C10orf67: variants seen among roughly 807,000 people sequenced by gnomAD.
C10orf67 encodes uncharacterized protein C10orf67, mitochondrial.
C10orf67 carries 60 observed loss-of-function variants against 35.6 expected under a neutral mutation model. The observed-to-expected ratio is 1.68, with a 90% CI of 1.37 to 2.09. The LOEUF (loss-of-function observed/expected upper bound fraction) is 2.09, where lower values mean the gene tolerates loss of function less well. Ranked by LOEUF, C10orf67 falls within the 30% of genes most tolerant of loss-of-function variation. The pLI, the probability that C10orf67 is intolerant of heterozygous loss-of-function variation, is 0.00. For synonymous variants in C10orf67, 167 were observed against 115.8 expected (o/e 1.44, Z -2.84); for missense variants, 474 against 330.2 (o/e 1.44, Z -3.38).
intron 12 of C10orf67, among the ~76,000 whole-genome samples, chr10:23,248,599 C>G (rs112797346): frequency 1.3e-3 from 192 of 152,292 alleles, no homozygotes; most frequent in African/African-American, 4.5e-3. Context: ...TGCATCTAAT[C>G]TAGGATCAGT....
intron 12 of C10orf67, among the ~76,000 whole-genome samples, chr10:23,245,224 G>A: frequency 6.6e-6 from 1 of 152,034 alleles, no homozygotes; most frequent in Non-Finnish European, 1.5e-5. Context: ...TGGATTAAAG[G>A]CATAAACATA....
intron 12 of C10orf67, among the ~76,000 whole-genome samples, chr10:23,240,509 C>T (rs907420371): frequency 6.6e-6 from 1 of 152,076 alleles, no homozygotes; most frequent in African/African-American, 2.4e-5. Flanking sequence ...AATCACACAC[C>T]AAAGATAATA....
intron 4 of C10orf67, among the ~76,000 whole-genome samples, chr10:23,314,090 A>G (rs1844598244): frequency 6.6e-6 from 1 of 152,152 alleles, no homozygotes; most frequent in South Asian, 2.1e-4. Context: ...TGGGAGGCTG[A>G]GATGGGACGG....
At chr10:23,224,622 A>C (rs1030994902) in intron 13 of C10orf67, among the ~76,000 whole-genome samples, 4 of 152,186 alleles carry the variant, frequency 2.6e-5, no homozygotes, top group African/African-American at 9.7e-5. Context: ...AGAAGCTAAA[A>C]ACCTTGAAAA....
At chr10:23,337,312 T>C (rs971242690) in intron 1 of C10orf67, among the ~76,000 whole-genome samples, 26 of 152,156 alleles carry the variant, frequency 1.7e-4, no homozygotes, top group Non-Finnish European at 3.5e-4. Flanking sequence ...GGTGGGTGGG[T>C]CACTTGAGCT....
chr10:23,248,216 A>G (rs1438083946), intron 12 of C10orf67, among the ~76,000 whole-genome samples: 1 of 152,232 alleles, frequency 6.6e-6, no homozygotes, highest in African/African-American at 2.4e-5. Flanking sequence ...AGGGTGGCTC[A>G]GGTGGATGCA....
rs551466644 is a variant in C10orf67, at chr10:23,233,744, T to G, written c.1434+5985A>C. Among the ~76,000 whole-genome samples, 181 of 152,332 alleles carry G rather than the reference T, an allele frequency of 1.2e-3. 1 individual carries two copies. Among genetic ancestry groups the G allele is most frequent in the Non-Finnish European group, 8.5e-4 (58 of 68,030 alleles). On this transcript the variant is annotated intron_variant, in intron 13 of 15. Coordinates refer to ENST00000636213, the MANE Select transcript of C10orf67 (RefSeq NM_001371909.1). ...ACGAAGTTCAGGGAACAAAAACACA[T>G]ATATCTTCTTGTCTTGCAGAATGTT...
intron 2 of C10orf67, among the ~76,000 whole-genome samples, chr10:23,324,633 T>C (rs748511060): frequency 2.6e-5 from 4 of 152,214 alleles, no homozygotes; most frequent in Admixed American, 2.0e-4. Context: ...TCAAGCTCCA[T>C]TGAAGCCTGC....
chr10:23,320,683 C>T lies in C10orf67; in HGVS notation c.546+58G>A, dbSNP rs528353836. ...AAGCCAAGGTGATCCCCACTCCTTG[C>T]ACACAGCAGCTGAAGCTAGCCTTGC... On this transcript the variant is annotated intron_variant, in intron 4 of 15. Coordinates refer to ENST00000636213, the MANE Select transcript of C10orf67 (RefSeq NM_001371909.1). 120 of 1,344,236 alleles carry T rather than the reference C, an allele frequency of 8.9e-5. 1 individual carries two copies. In the Admixed American group the frequency reaches 2.4e-3, roughly 26 times the overall value. 83.3% of individuals were successfully genotyped at this position (1,344,236 alleles called of 1,614,324 possible). A position where few individuals can be genotyped will look rare whatever the true frequency, so the allele number is the denominator to read the frequency against.
intron 10 of C10orf67, among the ~76,000 whole-genome samples, chr10:23,259,370 T>C (rs4614330): frequency 0.18 from 27,261 of 152,242 alleles, 3,092 homozygotes; most frequent in Non-Finnish European, 0.26. Context: ...AGTATTATGA[T>C]GGCATTCTGC....
At chr10:23,222,304 A>C (rs1841605747) in intron 15 of C10orf67, among the ~76,000 whole-genome samples, 1 of 152,178 alleles carries the variant, frequency 6.6e-6, no homozygotes, top group Non-Finnish European at 1.5e-5. Flanking sequence ...AGGGAAAGTC[A>C]ATTTTCAAGG....
intron 10 of C10orf67, among the ~76,000 whole-genome samples, chr10:23,262,543 G>A (rs1842779696): frequency 6.6e-6 from 1 of 152,186 alleles, no homozygotes; most frequent in Non-Finnish European, 1.5e-5. Flanking sequence ...TGATTTCACA[G>A]CAAAATCTTC....
At chr10:23,301,295 C>T (rs936802562) in intron 5 of C10orf67, among the ~76,000 whole-genome samples, 1 of 152,150 alleles carries the variant, frequency 6.6e-6, no homozygotes, top group Non-Finnish European at 1.5e-5. Flanking sequence ...AAAGTGGAAG[C>T]TGGCTCCAGG....
intron 12 of C10orf67, among the ~76,000 whole-genome samples, chr10:23,249,363 A>C (rs1411061552): frequency 1.3e-5 from 2 of 152,170 alleles, no homozygotes; most frequent in Non-Finnish European, 2.9e-5. Flanking sequence ...TTTGTCTCAC[A>C]TGTATCTACG....
At chr10:23,243,894 T>C (rs1179660756) in intron 12 of C10orf67, among the ~76,000 whole-genome samples, 1 of 152,026 alleles carries the variant, frequency 6.6e-6, no homozygotes, top group East Asian at 1.9e-4. Flanking sequence ...ACATATTACT[T>C]ACTCTTTTTT....
intron 4 of C10orf67, among the ~76,000 whole-genome samples, chr10:23,309,033 T>C (rs1027824688): frequency 1.3e-5 from 2 of 152,208 alleles, no homozygotes; most frequent in Non-Finnish European, 2.9e-5. Context: ...CTAATTTTTA[T>C]GTTCTGAATA....
intron 5 of C10orf67, among the ~76,000 whole-genome samples, chr10:23,302,101 G>C (rs1022583420): frequency 6.6e-5 from 10 of 152,154 alleles, no homozygotes; most frequent in Non-Finnish European, 1.3e-4. Context: ...AGATTTAATA[G>C]AGTGAAATAG....
chr10:23,214,134 A>G (rs1841376127), intron 15 of C10orf67, among the ~76,000 whole-genome samples: 1 of 152,138 alleles, frequency 6.6e-6, no homozygotes, highest in Non-Finnish European at 1.5e-5. Context: ...CCAAGAAAAA[A>G]TAGGAAGCAT....
intron 2 of C10orf67, among the ~76,000 whole-genome samples, chr10:23,327,043 T>C (rs1020342972): frequency 6.6e-6 from 1 of 152,148 alleles, no homozygotes; most frequent in Non-Finnish European, 1.5e-5. Flanking sequence ...TCTTGTACTG[T>C]ACGGTAGAAA....
Sources: allele counts gnomAD v4.1 joint callset (sites outside exome capture counted in the v4.1 genomes callset), GRCh38; gene constraint gnomAD v4.1.1; transcripts MANE v1.5; gene names NCBI Gene and HGNC (gene_info 2026-07-23, HGNC 2026-07-21).